ZEB1: variants seen among roughly 807,000 people sequenced by gnomAD.
ZEB1 encodes zinc finger E-box-binding homeobox 1.
A neutral mutation model predicts 84.9 loss-of-function variants in ZEB1; 21 were observed. That is an observed-to-expected ratio of 0.25 (90% CI 0.18 to 0.36). The LOEUF (loss-of-function observed/expected upper bound fraction) is 0.36. Among genes scored for constraint, ZEB1 ranks in the 10% least tolerant of loss-of-function variants. The pLI, the probability that ZEB1 is intolerant of heterozygous loss-of-function variation, is 1.00. For missense variants in ZEB1, 1,104 were observed against 1,330.2 expected, an observed-to-expected ratio of 0.83 and a Z score of 2.65; for synonymous variants, 420 against 471.1, an observed-to-expected ratio of 0.89 and a Z score of 1.41.
intron 1 of ZEB1, among the ~76,000 whole-genome samples, chr10:31,414,320 A>G (rs1326313777): frequency 2.0e-5 from 3 of 152,186 alleles, no homozygotes; most frequent in Non-Finnish European, 4.4e-5. Context: ...AATGAAAAAA[A>G]TTAAATGCAT....
At chr10:31,428,234 C>T (rs1005409816) in intron 1 of ZEB1, among the ~76,000 whole-genome samples, 2 of 152,150 alleles carry the variant, frequency 1.3e-5, no homozygotes, top group African/African-American at 4.8e-5. Context: ...ACTGCCTTAG[C>T]TGTGTCCCAG....
At chr10:31,466,779 TAAA>T (rs1466968186) in intron 2 of ZEB1, among the ~76,000 whole-genome samples, 1 of 151,872 alleles carries the variant, frequency 6.6e-6, no homozygotes, top group African/African-American at 2.4e-5. Flanking sequence ...ATAAATGAAA[TAAA>T]GAGTAGAAAA....
chr10:31,324,615 G>A (rs2035040445), intron 1 of ZEB1, among the ~76,000 whole-genome samples: 1 of 151,932 alleles, frequency 6.6e-6, no homozygotes, highest in Non-Finnish European at 1.5e-5. Flanking sequence ...TGTAGAAATA[G>A]GATTGAAAAA....
At chr10:31,401,136 G>C (rs2135484968) in intron 1 of ZEB1, among the ~76,000 whole-genome samples, 1 of 152,228 alleles carries the variant, frequency 6.6e-6, no homozygotes, top group Non-Finnish European at 1.5e-5. Flanking sequence ...TAATTACCCA[G>C]AATTAGATTG....
Position 31,489,283 on chromosome 10 carries a change from G to T in ZEB1, c.260-6493G>T, listed in dbSNP as rs547646035. Among the ~76,000 whole-genome samples, 38 of 151,188 alleles carry T rather than the reference G, an allele frequency of 2.5e-4. 1 individual carries two copies. The East Asian group carries it at 3.5e-3, about 14-fold the overall frequency. On this transcript the variant is annotated intron_variant, in intron 2 of 8. Transcript: ENST00000424869. ...CTTTGTCTGATATTACTATAATCACGCTAGCTTTCTTCTGGTTAATGATAT... is the reference window on the plus strand; with the variant it reads ...CTTTGTCTGATATTACTATAATCACTCTAGCTTTCTTCTGGTTAATGATAT...
At chr10:31,484,711 TA>T (rs2065494273) in intron 2 of ZEB1, among the ~76,000 whole-genome samples, 5 of 151,960 alleles carry the variant, frequency 3.3e-5, no homozygotes, top group Admixed American at 2.6e-4. Context: ...GGTAAATGAA[TA>T]TTTTTTTCTT....
chr10:31,458,336 T>TTGTGTGTGTGTG (rs770656843), intron 1 of ZEB1, among the ~76,000 whole-genome samples: 1 of 102,264 alleles, frequency 9.8e-6, no homozygotes, highest in African/African-American at 8.4e-5. Flanking sequence ...TGTGTGTGTG[T>TTGTGTGTGTGTG]TGTGTGTGTG....
chr10:31,461,418 G>T (rs967096257), intron 2 of ZEB1, among the ~76,000 whole-genome samples, 181 bp downstream of exon 2: 2 of 152,048 alleles, frequency 1.3e-5, no homozygotes, highest in Non-Finnish European at 2.9e-5. Flanking sequence ...AAGTTATTTT[G>T]ACCATATTTA....
intron 1 of ZEB1, among the ~76,000 whole-genome samples, chr10:31,356,233 G>A (rs2133968701): frequency 6.6e-6 from 1 of 152,058 alleles, no homozygotes; most frequent in African/African-American, 2.4e-5. Flanking sequence ...GCTAATTCTT[G>A]TTATTGTTTG....
chr10:31,470,645 T>G, intron 2 of ZEB1, among the ~76,000 whole-genome samples: 1 of 138,092 alleles, frequency 7.2e-6, no homozygotes, highest in Non-Finnish European at 1.6e-5. Flanking sequence ...CTCTGCAGGA[T>G]ATTATCCAGG....
At chr10:31,318,547 G>A (rs2032812492), upstream of ZEB1, 1 of 152,964 alleles carries the variant, frequency 6.5e-6, no homozygotes, top group African/African-American at 2.4e-5. Flanking sequence ...GTCCCTGGAA[G>A]GGAAGGGAAG....
rs112581801 is a variant in ZEB1 at position 31,327,243 on chromosome 10, T to C, written c.58+7951T>C. 2.8e-4 allele frequency among the ~76,000 whole-genome samples: 43 copies of C among 151,956 alleles called. 4 individuals carry two copies. Among genetic ancestry groups the C allele is most frequent in the African/African-American group, 1.0e-3 (43 of 41,456 alleles). On this transcript the variant is annotated intron_variant, in intron 1 of 8. Coordinates refer to ENST00000424869, the MANE Select transcript of ZEB1 (RefSeq NM_001174096.2). The stretch of plus-strand genomic sequence containing the variant: ...CTCCCGCTTCAGCCTCCCAAGTAGC[T>C]GGGATTACAGGCACACACCGCCATG...
intron 2 of ZEB1, among the ~76,000 whole-genome samples, chr10:31,487,628 A>G (rs927606586): frequency 6.6e-6 from 1 of 151,236 alleles, no homozygotes; most frequent in Non-Finnish European, 1.5e-5. Flanking sequence ...TCTAATGTGT[A>G]TGCCTGTAAT....
rs1565212038 is a variant in ZEB1, at chr10:31,521,462, C to A, written c.2130C>A (p.Asn710Lys). The A allele has an allele frequency of 6.2e-7, 1 of 1,614,120 alleles. No individual in the cohort carries two copies. The highest frequency in any genetic ancestry group is 1.1e-5 in the South Asian group (1 of 91,082). The change falls in exon 7 of 9, where the codon AAC becomes AAA. Residue 710 changes from asparagine (N) to lysine (K), a missense_variant. Physicochemically the swap from Asn to Lys is moderately conservative, Grantham distance 94 (BLOSUM62 0). Transcript: ENST00000424869. ...GTACACCATCCCCATCACCTCTAAACCTTTCCTCATCCAGAAATACACAGG... is the reference window on the plus strand; with the variant it reads ...GTACACCATCCCCATCACCTCTAAAACTTTCCTCATCCAGAAATACACAGG... ...RSSTPSPSPL[N>K]LSSSRNTQGY...
chr10:31,414,427 T>C (rs1356702198), intron 1 of ZEB1, among the ~76,000 whole-genome samples: 3 of 152,242 alleles, frequency 2.0e-5, no homozygotes, highest in East Asian at 1.9e-4. Context: ...GTTTTCTCTT[T>C]AGTTGTTTTG....
chr10:31,465,690 T>C (rs2062334004), intron 2 of ZEB1, among the ~76,000 whole-genome samples: 1 of 152,082 alleles, frequency 6.6e-6, no homozygotes, highest in South Asian at 2.1e-4. Flanking sequence ...CACAGCCCAC[T>C]GTAACTTCAA....
intron 1 of ZEB1, among the ~76,000 whole-genome samples, chr10:31,430,561 C>T (rs1179044486): frequency 6.6e-6 from 1 of 152,164 alleles, no homozygotes; most frequent in Admixed American, 6.5e-5. Context: ...CCTAATTTTG[C>T]CATGTTAAAA....
intron 1 of ZEB1, among the ~76,000 whole-genome samples, chr10:31,437,762 T>A (rs1424359141): frequency 1.3e-5 from 2 of 152,234 alleles, no homozygotes; most frequent in Non-Finnish European, 2.9e-5. Flanking sequence ...TCACTTTTCC[T>A]ATGATTTCTC....
chr10:31,502,331 G>C lies in ZEB1; in HGVS notation c.323-17G>C. ...TAGTGGTGAGATTGCTGTCTTAAAAGTATGCATTTTTTTTAGTAAAAGATG... is the reference window on the plus strand; with the variant it reads ...TAGTGGTGAGATTGCTGTCTTAAAACTATGCATTTTTTTTAGTAAAAGATG... On this transcript the variant is annotated splice_polypyrimidine_tract_variant and intron_variant, in intron 3 of 8. Transcript: ENST00000424869. The C allele has an allele frequency of 6.2e-7, 1 of 1,613,068 alleles. No individual in the cohort carries two copies. The highest frequency in any genetic ancestry group is 8.5e-7 in the Non-Finnish European group (1 of 1,179,364).
Sources: allele counts gnomAD v4.1 joint callset (sites outside exome capture counted in the v4.1 genomes callset), GRCh38; gene constraint gnomAD v4.1.1; transcripts MANE v1.5; gene names NCBI Gene and HGNC (gene_info 2026-07-23, HGNC 2026-07-21).